KANSL1: variants seen among roughly 807,000 people sequenced by gnomAD.
The protein encoded by KANSL1 is KAT8 regulatory NSL complex subunit 1.
In KANSL1, 22 loss-of-function variants were observed where a neutral mutation model predicts 103.6. The observed-to-expected ratio is 0.21, with a 90% CI of 0.15 to 0.30. The LOEUF is 0.30. Ranked by LOEUF, KANSL1 falls within the 10% of genes least tolerant of loss-of-function variation. The probability of loss-of-function intolerance (pLI) is 1.00; values close to 1 mark genes in which losing one functional copy is unlikely to be tolerated. For synonymous variants in KANSL1, 600 were observed against 527.6 expected, an observed-to-expected ratio of 1.14 and a Z score of -1.88; for missense variants, 1,337 against 1,399.8, an observed-to-expected ratio of 0.96 and a Z score of 0.72.
intron 1 of KANSL1, among the ~76,000 whole-genome samples, chr17:46,174,834 C>T (rs1484403273): frequency 2.0e-5 from 3 of 152,164 alleles, no homozygotes; most frequent in Non-Finnish European, 4.4e-5. Flanking sequence ...CCACCATGCC[C>T]GGCTAATTTT....
Position 46,038,320 on chromosome 17 carries a change from T to C in KANSL1, c.2541+218A>G, listed in dbSNP as rs1277261901. 7.0e-6 allele frequency: 4 copies of C among 573,334 alleles called. No individual in the cohort carries two copies. The East Asian group carries it at 8.5e-5, about 12-fold the overall frequency. 35.5% of individuals were successfully genotyped at this position (573,334 alleles called of 1,614,324 possible). A position where few individuals can be genotyped will look rare whatever the true frequency, so the allele number is the denominator to read the frequency against. On this transcript the variant is annotated intron_variant, in intron 10 of 14. Transcript: ENST00000432791. ...CTATGGATGGCTCAGCATAAATCCATCTCTGCTATGAAAAACAACTCAAGA... is the reference window on the plus strand; with the variant it reads ...CTATGGATGGCTCAGCATAAATCCACCTCTGCTATGAAAAACAACTCAAGA...
At chr17:46,215,698 G>A (rs1365529906) in intron 1 of KANSL1, among the ~76,000 whole-genome samples, 1 of 152,194 alleles carries the variant, frequency 6.6e-6, no homozygotes, top group East Asian at 1.9e-4. Context: ...ACTAAGATAC[G>A]AAGATAGGAA....
At chr17:46,206,514 C>A (rs2047974862) in intron 1 of KANSL1, among the ~76,000 whole-genome samples, 1 of 152,204 alleles carries the variant, frequency 6.6e-6, no homozygotes, top group African/African-American at 2.4e-5. Flanking sequence ...TTGCTTGAGG[C>A]CAGGAGTTTG....
Position 46,171,520 on chromosome 17 carries a change from G to A in KANSL1, c.624C>T (p.Cys208=). The A allele has an allele frequency of 6.2e-7, 1 of 1,613,904 alleles. No individual in the cohort carries two copies. The highest frequency in any genetic ancestry group is 8.5e-7 in the Non-Finnish European group (1 of 1,179,924). Reference sequence around the variant, plus strand: ...CATCAAGGCTTCTATGTGGAAGAGTGCAATTGGTCATACCCCCCTTCAAGT... The same window carrying A: ...CATCAAGGCTTCTATGTGGAAGAGTACAATTGGTCATACCCCCCTTCAAGT... ...SGDLKGGMTN[C]TLPHRSLDVE... Residue 208 remains cysteine, a synonymous_variant, in exon 2 of 15, where the codon TGC becomes TGT. Coordinates refer to ENST00000432791, the MANE Select transcript of KANSL1 (RefSeq NM_015443.4).
intron 2 of KANSL1, among the ~76,000 whole-genome samples, chr17:46,104,442 T>A (rs2042445802): frequency 6.6e-6 from 1 of 152,234 alleles, no homozygotes; most frequent in Admixed American, 6.5e-5. Flanking sequence ...CTTATTTTGT[T>A]ATTTGTATGT....
rs1567680988 is a variant in KANSL1 at position 46,105,949 on chromosome 17, C to CACACACACACACACA, written c.1290-11249_1290-11248insTGTGTGTGTGTGTGT. Among the ~76,000 whole-genome samples, 196 of 49,244 alleles carry CACACACACACACACA rather than the reference C, an allele frequency of 4.0e-3. 2 individuals carry two copies. Among genetic ancestry groups the CACACACACACACACA allele is most frequent in the African/African-American group, 0.012 (182 of 15,512 alleles). 32.3% of individuals were successfully genotyped at this position (49,244 alleles called of 152,430 possible). ...CACACACACACACACACACACACAC[C>CACACACACACACACA]CCCCCAGAAGGGTGAAGGAGCAGAA... On this transcript the variant is annotated intron_variant, in intron 2 of 14. Transcript: ENST00000432791.
At chr17:46,155,491 A>G (rs2045372553) in intron 2 of KANSL1, among the ~76,000 whole-genome samples, 1 of 152,250 alleles carries the variant, frequency 6.6e-6, no homozygotes, top group East Asian at 1.9e-4. Flanking sequence ...CCAACCCCCA[A>G]AAGGGCACAT....
At chr17:46,124,918 C>A (rs182024700) in intron 2 of KANSL1, among the ~76,000 whole-genome samples, 1 of 148,838 alleles carries the variant, frequency 6.7e-6, no homozygotes, top group African/African-American at 2.5e-5. Context: ...AGACACAGGT[C>A]GAAAAAGTAA....
intron 2 of KANSL1, among the ~76,000 whole-genome samples, chr17:46,133,150 G>A (rs1228574090): frequency 6.6e-6 from 1 of 152,150 alleles, no homozygotes; most frequent in Non-Finnish European, 1.5e-5. Context: ...TGAGATGGAT[G>A]GAGTAATTTG....
At chr17:46,147,076 AG>A (rs1315684294) in intron 2 of KANSL1, among the ~76,000 whole-genome samples, 1 of 152,134 alleles carries the variant, frequency 6.6e-6, no homozygotes, top group Non-Finnish European at 1.5e-5. Flanking sequence ...AAATTTTAAA[AG>A]GGGGTAAAGA....
chr17:46,051,225 G>C (rs2077701832), intron 6 of KANSL1, among the ~76,000 whole-genome samples: 1 of 152,166 alleles, frequency 6.6e-6, no homozygotes. Flanking sequence ...CTCAAGCCAG[G>C]TGGCAAGCTT....
intron 2 of KANSL1, among the ~76,000 whole-genome samples, chr17:46,111,261 AG>A (rs2042790494): frequency 6.6e-6 from 1 of 152,202 alleles, no homozygotes; most frequent in Non-Finnish European, 1.5e-5. Context: ...TCCAGGCTGG[AG>A]TGCGATGGCG....
chr17:46,109,608 A>C (rs941984359), intron 2 of KANSL1, among the ~76,000 whole-genome samples: 3 of 152,232 alleles, frequency 2.0e-5, no homozygotes, highest in Admixed American at 1.3e-4. Context: ...CAGTTAAAGA[A>C]TGACTGAGGG....
intron 2 of KANSL1, 147 bp from the exon 3 acceptor site, chr17:46,094,848 T>TC: frequency 1.1e-6 from 1 of 888,194 alleles, no homozygotes; most frequent in Non-Finnish European, 1.7e-6. Flanking sequence ...ACAAGACACC[T>TC]CCCGCTCATC....
At chr17:46,191,053 A>G (rs2047293097) in intron 1 of KANSL1, among the ~76,000 whole-genome samples, 1 of 152,270 alleles carries the variant, frequency 6.6e-6, no homozygotes, top group Non-Finnish European at 1.5e-5. Context: ...AAAGTTTCTT[A>G]ATTCAAAATG....
chr17:46,125,269 G>A (rs1389911569), intron 2 of KANSL1, among the ~76,000 whole-genome samples: 1 of 152,104 alleles, frequency 6.6e-6, no homozygotes, highest in Non-Finnish European at 1.5e-5. Flanking sequence ...ATTTCTTTTA[G>A]CAATAAATAT....
At chr17:46,159,021 T>C (rs1318328247) in intron 2 of KANSL1, among the ~76,000 whole-genome samples, 3 of 152,132 alleles carry the variant, frequency 2.0e-5, no homozygotes, top group Non-Finnish European at 4.4e-5. Context: ...AACAAAAAAT[T>C]ACAGTTACTA....
intron 3 of KANSL1, among the ~76,000 whole-genome samples, chr17:46,083,683 T>C (rs1012034704): frequency 6.6e-6 from 1 of 152,156 alleles, no homozygotes; most frequent in Non-Finnish European, 1.5e-5. Flanking sequence ...GACAGGTGCC[T>C]ACCACCATGC....
rs1376891360 is a variant in KANSL1, at chr17:46,050,657, G to A, written c.1896C>T (p.Ser632=). ...TGCTGCCTGAACCACACAGTGCGCA[G>A]GAGGGATTCACATCACAGCCAGGGC... ...TIRPGCDVNP[S]CALCGSGSIN... Residue 632 remains serine, a synonymous_variant, in exon 7 of 15, where the codon TCC becomes TCT. Transcript: ENST00000432791. 2 of 1,614,196 alleles carry A rather than the reference G, an allele frequency of 1.2e-6. No homozygotes were observed. Among genetic ancestry groups the A allele is most frequent in the Non-Finnish European group, 8.5e-7 (1 of 1,180,026 alleles).
Sources: gnomAD v4.1 joint callset for allele counts (sites outside exome capture counted in the v4.1 genomes callset) on GRCh38, gnomAD v4.1.1 for gene constraint, MANE v1.5 for transcripts, NCBI Gene and HGNC (gene_info 2026-07-23, HGNC 2026-07-21) for gene names.